CFAP77: variants seen among roughly 807,000 people sequenced by gnomAD.
CFAP77 encodes cilia- and flagella-associated protein 77.
A neutral mutation model predicts 31.1 loss-of-function variants in CFAP77; 25 were observed. The ratio of observed to expected loss-of-function variants is 0.80; its 90% CI spans 0.59 to 1.12. The LOEUF (loss-of-function observed/expected upper bound fraction) is 1.12, where lower values mean the gene tolerates loss of function less well. Among genes scored for constraint, CFAP77 ranks in the 50% most tolerant of loss-of-function variants. The pLI, the probability that CFAP77 is intolerant of heterozygous loss-of-function variation, is 0.00. For missense variants in CFAP77, 377 were observed against 397.3 expected (o/e 0.95, Z 0.44); for synonymous variants, 151 against 159.9 (o/e 0.94, Z 0.42).
intron 1 of CFAP77, among the ~76,000 whole-genome samples, chr9:132,450,078 C>A (rs1589856990): frequency 6.6e-6 from 1 of 151,996 alleles, no homozygotes; most frequent in East Asian, 1.9e-4. Flanking sequence ...ATGCCCACAC[C>A]CGCCACCACG....
At chr9:132,504,651 A>G (rs1420087799) in intron 3 of CFAP77, among the ~76,000 whole-genome samples, 1 of 152,240 alleles carries the variant, frequency 6.6e-6, no homozygotes, top group East Asian at 1.9e-4. Context: ...CGCAAATTGC[A>G]GGCAAAAGGG....
At chr9:132,535,308 A>G (rs1487558663) in intron 3 of CFAP77, among the ~76,000 whole-genome samples, 2 of 152,222 alleles carry the variant, frequency 1.3e-5, no homozygotes, top group Non-Finnish European at 2.9e-5. Context: ...GTTTCAAACT[A>G]ACAATATCAA....
At chr9:132,471,281 G>A (rs891092809) in intron 1 of CFAP77, among the ~76,000 whole-genome samples, 2 of 152,162 alleles carry the variant, frequency 1.3e-5, no homozygotes, top group African/African-American at 2.4e-5. Flanking sequence ...AGTTGAGAAG[G>A]TCCCGTAGAA....
intron 1 of CFAP77, among the ~76,000 whole-genome samples, chr9:132,435,338 GAA>G (rs1850487925): frequency 2.0e-5 from 3 of 152,274 alleles, no homozygotes; most frequent in South Asian, 4.1e-4. Flanking sequence ...CTAAGAGAGA[GAA>G]AAAGAGAGAG....
intron 5 of CFAP77, among the ~76,000 whole-genome samples, chr9:132,567,609 A>G (rs1400505853): frequency 6.6e-6 from 1 of 152,186 alleles, no homozygotes; most frequent in Non-Finnish European, 1.5e-5. Flanking sequence ...TGAGGGCTGT[A>G]TTAGCTTCTA....
At chr9:132,558,693 G>T (rs1285275462) in intron 5 of CFAP77, among the ~76,000 whole-genome samples, 1 of 149,562 alleles carries the variant, frequency 6.7e-6, no homozygotes, top group Non-Finnish European at 1.5e-5. Context: ...TGACAAGAGT[G>T]AAACTCTGTC....
chr9:132,439,804 G>C (rs904093038), intron 1 of CFAP77, among the ~76,000 whole-genome samples: 1 of 147,982 alleles, frequency 6.8e-6, no homozygotes, highest in Non-Finnish European at 1.5e-5. Flanking sequence ...AGCCGAGATC[G>C]TGCCACTGCA....
At chr9:132,479,910 A>G (rs1190914765) in intron 1 of CFAP77, among the ~76,000 whole-genome samples, 2 of 152,150 alleles carry the variant, frequency 1.3e-5, no homozygotes, top group South Asian at 2.1e-4. Context: ...TGACGCGGCT[A>G]TCAAGCAGGA....
At chr9:132,532,606 C>T (rs993779128) in intron 3 of CFAP77, among the ~76,000 whole-genome samples, 3 of 152,224 alleles carry the variant, frequency 2.0e-5, no homozygotes, top group African/African-American at 4.8e-5. Context: ...GTGAGAGGCT[C>T]GAGGTCTGCC....
Position 132,554,999 on chromosome 9 carries a change from T to C in CFAP77, c.732+11952T>C, listed in dbSNP as rs182610241. On this transcript the variant is annotated intron_variant, in intron 5 of 5. Transcript: ENST00000393216. The surrounding 1 kb of genome is among the most constrained non-coding windows in gnomAD (Gnocchi z 4.1). ...ATCCATCCATCCATCCTCAGCCATCTGTCCATCTGTTTGTTCATCCAACCA... is the reference window on the plus strand; with the variant it reads ...ATCCATCCATCCATCCTCAGCCATCCGTCCATCTGTTTGTTCATCCAACCA... Among the ~76,000 whole-genome samples, 7 of 149,258 alleles carry C rather than the reference T, an allele frequency of 4.7e-5. No homozygotes were observed. Among genetic ancestry groups the C allele is most frequent in the African/African-American group, 1.3e-4 (5 of 39,036 alleles).
In CFAP77 at chr9:132,439,572, A is replaced by C. The variant is rs112366091; in HGVS notation, c.195+29106A>C. Among the ~76,000 whole-genome samples, 103 of 151,820 alleles carry C rather than the reference A, an allele frequency of 6.8e-4. 1 individual carries two copies. The highest frequency in any genetic ancestry group is 3.5e-3 in the South Asian group (17 of 4,794). ...GGTAAGATGCTCTAATCTGGCCGGG[A>C]GTGGTGGCTCACACCTGTAATCCCA... On this transcript the variant is annotated intron_variant, in intron 1 of 5. Coordinates refer to ENST00000393216, the MANE Select transcript of CFAP77 (RefSeq NM_001282957.2).
intron 1 of CFAP77, among the ~76,000 whole-genome samples, chr9:132,433,847 C>G (rs10118145): frequency 0.025 from 3,745 of 151,414 alleles, 142 homozygotes; most frequent in African/African-American, 0.085. Flanking sequence ...CTCTACCAAC[C>G]TATTTATTCA....
intron 1 of CFAP77, among the ~76,000 whole-genome samples, chr9:132,486,782 C>T (rs1209143357): frequency 6.6e-6 from 1 of 152,270 alleles, no homozygotes; most frequent in Non-Finnish European, 1.5e-5. Context: ...ATCTCTCGAT[C>T]TCATAAGCTG....
At position 132,549,260 on chromosome 9, in the gene CFAP77, C is replaced by T. The variant is rs1260453141; in HGVS notation, c.732+6213C>T. On this transcript the variant is annotated intron_variant, in intron 5 of 5. Coordinates refer to ENST00000393216, the MANE Select transcript of CFAP77 (RefSeq NM_001282957.2). Reference sequence around the variant, plus strand: ...GGGCCGACCCCCACAAAGGTGTATCCGAACCCAGGAAGGACAGATGCCAGA... The same window carrying T: ...GGGCCGACCCCCACAAAGGTGTATCTGAACCCAGGAAGGACAGATGCCAGA... Among the ~76,000 whole-genome samples, 9 of 152,310 alleles carry T rather than the reference C, an allele frequency of 5.9e-5. No homozygotes were observed. In the East Asian group the frequency reaches 1.2e-3, roughly 20 times the overall value.
chr9:132,566,787 T>G (rs1393062397), intron 5 of CFAP77, among the ~76,000 whole-genome samples: 1 of 152,222 alleles, frequency 6.6e-6, no homozygotes, highest in Non-Finnish European at 1.5e-5. Context: ...CCCTCTGGCC[T>G]CTGCGGATCT....
intron 5 of CFAP77, among the ~76,000 whole-genome samples, chr9:132,551,564 G>A (rs530128788): frequency 1.3e-5 from 2 of 152,296 alleles, no homozygotes; most frequent in Non-Finnish European, 2.9e-5. Flanking sequence ...CCAAAGTGCC[G>A]GGATTACAGG....
chr9:132,445,556 GT>G lies in CFAP77; in HGVS notation c.195+35092del, dbSNP rs1850694804. Among the ~76,000 whole-genome samples the G allele has an allele frequency of 3.3e-5, 5 of 152,174 alleles. No individual in the cohort carries two copies. In the South Asian group the frequency reaches 1.0e-3, roughly 32 times the overall value. ...TGCTGCTATGAAGATGGGGGCACAG[GT>G]TATTGGCTTTTGAAAAACAAAATAA... On this transcript the variant is annotated intron_variant, in intron 1 of 5. Transcript: ENST00000393216.
rs944508577 is a variant in CFAP77, at chr9:132,480,583, G to C, written c.196-18112G>C. On this transcript the variant is annotated intron_variant, in intron 1 of 5. Coordinates refer to ENST00000393216, the MANE Select transcript of CFAP77 (RefSeq NM_001282957.2). This position sits in a 1 kb window ranked among gnomAD's most constrained non-coding sequence, Gnocchi z 5.8. ...GTGCTCACCCAGCTGACCTGCCGCA[G>C]AGTGAGACGTGGCAGAAACCACCAT... Among the ~76,000 whole-genome samples, 11 of 152,330 alleles carry C rather than the reference G, an allele frequency of 7.2e-5. No individual in the cohort carries two copies. Among genetic ancestry groups the C allele is most frequent in the Non-Finnish European group, 1.5e-4 (10 of 68,026 alleles).
rs1851809748 is a variant in CFAP77, at chr9:132,499,612, G to A, written c.524+12G>A. 6.2e-7 allele frequency: 1 copy of A among 1,612,748 alleles called. No homozygotes were observed. The highest frequency in any genetic ancestry group is 1.1e-5 in the South Asian group (1 of 91,040). ...GGGATCCGGGCACGGTAAGGTGGCT[G>A]GCAGCCAGGGCTTCATCCCTTGAGG... On this transcript the variant is annotated intron_variant, in intron 3 of 5. Coordinates refer to ENST00000393216, the MANE Select transcript of CFAP77 (RefSeq NM_001282957.2). This position sits in a 1 kb window ranked among gnomAD's most constrained non-coding sequence, Gnocchi z 5.4.
Sources: allele counts gnomAD v4.1 joint callset (sites outside exome capture counted in the v4.1 genomes callset), GRCh38; gene constraint gnomAD v4.1.1; non-coding constraint Gnocchi (gnomAD v3.1); transcripts MANE v1.5; gene names NCBI Gene and HGNC (gene_info 2026-07-23, HGNC 2026-07-21).